LIPC: variants seen among roughly 807,000 people sequenced by gnomAD.
LIPC encodes the protein lipase C, hepatic type.
LIPC carries 44 observed loss-of-function variants against 50.7 expected under a neutral mutation model. The observed-to-expected ratio is 0.87, with a 90% CI of 0.68 to 1.11. The LOEUF is 1.11. Among genes scored for constraint, LIPC ranks in the 50% most tolerant of loss-of-function variants. The pLI, the probability that LIPC is intolerant of heterozygous loss-of-function variation, is 0.00. For synonymous variants in LIPC, 271 were observed against 256.4 expected (o/e 1.06, Z -0.54); for missense variants, 697 against 648.2 (o/e 1.08, Z -0.82).
intron 1 of LIPC, among the ~76,000 whole-genome samples, chr15:58,496,743 CA>C (rs10716717): frequency 0.68 from 78,762 of 115,444 alleles, 26,108 homozygotes; most frequent in Non-Finnish European, 0.71. Context: ...TCTTCCCCCT[CA>C]AAAAAAAAAA....
At chr15:58,565,987 T>C (rs1894352868) in intron 8 of LIPC, 4 of 983,912 alleles carry the variant, frequency 4.1e-6, no homozygotes, top group South Asian at 9.4e-5. Context: ...GAAAATAAGA[T>C]GAATTAATTT....
rs924548064 is a variant in LIPC, at chr15:58,542,556, G to A, written c.479G>A (p.Ser160Asn). The A allele has an allele frequency of 6.2e-7, 1 of 1,613,368 alleles. No homozygotes were observed. The highest frequency in any genetic ancestry group is 8.5e-7 in the Non-Finnish European group (1 of 1,179,366). ...WLEESVQLSR[S>N]HVHLIGYSLG... Reference sequence around the variant, plus strand: ...CAGGAATCTGTGCAACTCTCTCGAAGCCATGTTCACCTAATTGGGTACAGC... The same window carrying A: ...CAGGAATCTGTGCAACTCTCTCGAAACCATGTTCACCTAATTGGGTACAGC... The change falls in exon 4 of 9, where the codon AGC becomes AAC. Residue 160 changes from serine (S) to asparagine (N), a missense_variant. Physicochemically the swap from Ser to Asn is conservative, Grantham distance 46. Transcript: ENST00000299022.
At chr15:58,438,285 T>C (rs1479348152) in intron 1 of LIPC, among the ~76,000 whole-genome samples, 1 of 151,804 alleles carries the variant, frequency 6.6e-6, no homozygotes, top group Non-Finnish European at 1.5e-5. Context: ...CCCCATTTCA[T>C]CATGAGGGGA....
At chr15:58,520,112 G>GTTTTTTTTTTT (rs10631480) in intron 1 of LIPC, among the ~76,000 whole-genome samples, 2 of 123,534 alleles carry the variant, frequency 1.6e-5, no homozygotes, top group Admixed American at 8.1e-5. Context: ...GTTTTGGGCT[G>GTTTTTTTTTTT]TTTTTTTTTT....
At chr15:58,490,752 C>G (rs1566927120) in intron 1 of LIPC, among the ~76,000 whole-genome samples, 2 of 152,164 alleles carry the variant, frequency 1.3e-5, no homozygotes, top group Non-Finnish European at 2.9e-5. Flanking sequence ...GATTTGTCTC[C>G]CAGGCGACAC....
At chr15:58,542,877 A>T (rs1893384636) in intron 4 of LIPC, among the ~76,000 whole-genome samples, 1 of 152,234 alleles carries the variant, frequency 6.6e-6, no homozygotes, top group Non-Finnish European at 1.5e-5. Context: ...GCCTGCCCTC[A>T]AACGAATACC....
intron 1 of LIPC, among the ~76,000 whole-genome samples, chr15:58,443,601 G>C (rs1364635715): frequency 6.6e-6 from 1 of 152,224 alleles, no homozygotes; most frequent in Non-Finnish European, 1.5e-5. Flanking sequence ...GAGCTGAAGA[G>C]GACCCTCCAC....
rs865787678 is a variant in LIPC at position 58,445,403 on chromosome 15, G to A, written c.88+13283G>A. ...GCCTAGACTCGCCCAGGCCTCAGAC[G>A]AGGGGAAAGGGCCAAGGCCGGCTGC... On this transcript the variant is annotated intron_variant, in intron 1 of 8. Coordinates refer to ENST00000299022, the MANE Select transcript of LIPC (RefSeq NM_000236.3). 8.5e-5 allele frequency among the ~76,000 whole-genome samples: 13 copies of A among 152,318 alleles called. 1 individual carries two copies. The highest frequency in any genetic ancestry group is 8.3e-4 in the South Asian group (4 of 4,832).
chr15:58,540,600 G>C (rs1893286792), intron 2 of LIPC, among the ~76,000 whole-genome samples: 1 of 152,094 alleles, frequency 6.6e-6, no homozygotes, highest in Admixed American at 6.5e-5. Context: ...CAGGCCCTCA[G>C]GGGAGCTCTC....
intron 1 of LIPC, among the ~76,000 whole-genome samples, chr15:58,475,135 C>T (rs1244295387): frequency 2.6e-5 from 4 of 152,282 alleles, no homozygotes; most frequent in African/African-American, 9.6e-5. Flanking sequence ...GTCAGGAAGT[C>T]CAGCTGGCTT....
chr15:58,512,424 A>G (rs1892357768), intron 1 of LIPC, among the ~76,000 whole-genome samples: 1 of 152,116 alleles, frequency 6.6e-6, no homozygotes, highest in South Asian at 2.1e-4. Context: ...GTTTTCTACA[A>G]TGTTTTATTT....
At chr15:58,475,542 G>A (rs778712882) in intron 1 of LIPC, among the ~76,000 whole-genome samples, 3 of 152,052 alleles carry the variant, frequency 2.0e-5, no homozygotes, top group Non-Finnish European at 4.4e-5. Context: ...CCACCCCCCA[G>A]AAACAAAGGT....
chr15:58,515,985 T>TCATCA (rs1892474507), intron 1 of LIPC, among the ~76,000 whole-genome samples: 1 of 152,178 alleles, frequency 6.6e-6, no homozygotes, highest in African/African-American at 2.4e-5. Flanking sequence ...GGGGCTGTAA[T>TCATCA]CATCGTCTGA....
intron 1 of LIPC, among the ~76,000 whole-genome samples, chr15:58,463,570 G>A (rs1894429315): frequency 6.6e-6 from 1 of 152,190 alleles, no homozygotes; most frequent in African/African-American, 2.4e-5. Context: ...AGCTCCTGCA[G>A]CCAGACTGGG....
chr15:58,555,728 G>T (rs570931308), intron 6 of LIPC, among the ~76,000 whole-genome samples: 1 of 152,170 alleles, frequency 6.6e-6, no homozygotes, highest in African/African-American at 2.4e-5. Context: ...GGACTGAGGC[G>T]ACTCCCTGCC....
At chr15:58,536,892 C>T (rs1417707650) in intron 1 of LIPC, among the ~76,000 whole-genome samples, 1 of 152,198 alleles carries the variant, frequency 6.6e-6, no homozygotes, top group Non-Finnish European at 1.5e-5. Context: ...AACACCTCCC[C>T]TTGCACTTTG....
intron 1 of LIPC, among the ~76,000 whole-genome samples, chr15:58,520,525 G>A (rs1367678324): frequency 6.6e-6 from 1 of 152,212 alleles, no homozygotes; most frequent in Non-Finnish European, 1.5e-5. Flanking sequence ...GTGAGTGTGA[G>A]CACAGCTCAA....
intron 1 of LIPC, chr15:58,494,861 T>C (rs904145450): frequency 1.3e-5 from 6 of 456,144 alleles, no homozygotes; most frequent in African/African-American, 1.2e-4. Flanking sequence ...CTTCATCTGA[T>C]TTCCTTAGCA....
chr15:58,514,857 C>T (rs1892438354), intron 1 of LIPC, among the ~76,000 whole-genome samples: 1 of 152,156 alleles, frequency 6.6e-6, no homozygotes, highest in Non-Finnish European at 1.5e-5. Context: ...GGCTGCATAT[C>T]GGTTTCCTAT....
Sources: gnomAD v4.1 joint callset for allele counts (sites outside exome capture counted in the v4.1 genomes callset) on GRCh38, gnomAD v4.1.1 for gene constraint, MANE v1.5 for transcripts, NCBI Gene and HGNC (gene_info 2026-07-23, HGNC 2026-07-21) for gene names.